WDR27: variants seen among roughly 807,000 people sequenced by gnomAD.
WDR27 encodes WD repeat domain 27.
Under a neutral mutation model 114.4 loss-of-function variants are expected in WDR27, and 100 were observed. The observed-to-expected ratio is 0.87, with a 90% confidence interval of 0.74 to 1.03. WDR27 has a LOEUF of 1.03. Among genes scored for constraint, WDR27 ranks in the 50% least tolerant of loss-of-function variants. WDR27 has a pLI of 0.00. For missense variants in WDR27, 1,129 were observed against 1,092.9 expected, an observed-to-expected ratio of 1.03 and a Z score of -0.47; for synonymous variants, 449 against 423.1, an observed-to-expected ratio of 1.06 and a Z score of -0.75.
At chr6:169,482,147 C>A (rs1367756571) in intron 25 of WDR27, among the ~76,000 whole-genome samples, 1 of 152,212 alleles carries the variant, frequency 6.6e-6, no homozygotes, top group Non-Finnish European at 1.5e-5. Flanking sequence ...TTTATGGTTA[C>A]ATAGTATTCT....
intron 25 of WDR27, among the ~76,000 whole-genome samples, chr6:169,469,848 T>C (rs1269121187): frequency 1.3e-5 from 2 of 152,230 alleles, no homozygotes; most frequent in Non-Finnish European, 2.9e-5. Flanking sequence ...AGATAGCTGA[T>C]TAAGTCCATG....
intron 22 of WDR27, among the ~76,000 whole-genome samples, chr6:169,612,228 G>A (rs563496723): frequency 1.3e-5 from 2 of 151,606 alleles, no homozygotes; most frequent in African/African-American, 4.8e-5. Flanking sequence ...TCAGGAGATC[G>A]AGACCACGGT....
At chr6:169,528,887 C>T (rs1176977247) in intron 25 of WDR27, among the ~76,000 whole-genome samples, 1 of 152,116 alleles carries the variant, frequency 6.6e-6, no homozygotes, top group Non-Finnish European at 1.5e-5. Context: ...TTAGAAGATA[C>T]ACATGTTGGC....
chr6:169,578,006 C>G (rs1802720104), intron 24 of WDR27, among the ~76,000 whole-genome samples: 1 of 152,192 alleles, frequency 6.6e-6, no homozygotes, highest in Admixed American at 6.5e-5. Context: ...ATCCGTCTCT[C>G]TCTCTCCCCA....
chr6:169,548,665 AG>A (rs1346947238), intron 25 of WDR27, among the ~76,000 whole-genome samples: 1 of 152,234 alleles, frequency 6.6e-6, no homozygotes, highest in East Asian at 1.9e-4. Flanking sequence ...ATGAATCTAT[AG>A]TAATCAAGAC....
intron 25 of WDR27, among the ~76,000 whole-genome samples, chr6:169,489,235 C>T (rs1789392965): frequency 6.6e-6 from 1 of 152,176 alleles, no homozygotes; most frequent in Non-Finnish European, 1.5e-5. Flanking sequence ...GATGCCTCAA[C>T]GTGCACACAG....
chr6:169,672,047 CG>C (rs1262771157), intron 3 of WDR27: 1 of 468,048 alleles, frequency 2.1e-6, no homozygotes, highest in South Asian at 4.6e-5. Flanking sequence ...AGCAAAGGTC[CG>C]TAAGTCTGAA....
At chr6:169,694,322 A>G (rs1388466855) in intron 1 of WDR27, among the ~76,000 whole-genome samples, 2 of 152,230 alleles carry the variant, frequency 1.3e-5, no homozygotes, top group African/African-American at 4.8e-5. Context: ...AAAAAAATAA[A>G]TAAATAAATA....
At chr6:169,459,571 A>C (rs908485499) in intron 25 of WDR27, among the ~76,000 whole-genome samples, 2 of 151,734 alleles carry the variant, frequency 1.3e-5, no homozygotes, top group Non-Finnish European at 2.9e-5. Flanking sequence ...AAATGTATAC[A>C]TATAAATGTA....
chr6:169,511,287 G>A (rs1444696874), intron 25 of WDR27, among the ~76,000 whole-genome samples: 1 of 152,152 alleles, frequency 6.6e-6, no homozygotes, highest in Non-Finnish European at 1.5e-5. Context: ...TTCTCTGAAT[G>A]TTTATCAAAC....
Position 169,457,607 on chromosome 6 carries a change from G to A in WDR27, c.2673C>T (p.Asn891=). Residue 891 remains asparagine, a synonymous_variant, in exon 26 of 26, where the codon AAC becomes AAT. Transcript: ENST00000448612. ...GGTTACTCAGCTAGAAAGAGCTGGA[G>A]TTTACCATCCAAGGTAGCTGTGGCA... ...YSLPQLPWMV[N]SSSF is the part of the protein sequence containing the mutation. 2 of 1,552,600 alleles carry A rather than the reference G, an allele frequency of 1.3e-6. No individual in the cohort carries two copies. Among genetic ancestry groups the A allele is most frequent in the Non-Finnish European group, 1.7e-6 (2 of 1,147,282 alleles).
intron 2 of WDR27, among the ~76,000 whole-genome samples, chr6:169,675,934 G>A (rs1294976536): frequency 1.3e-5 from 2 of 152,192 alleles, no homozygotes; most frequent in Admixed American, 1.3e-4. Context: ...TTTTCCACAA[G>A]AGACTTTGCA....
intron 2 of WDR27, among the ~76,000 whole-genome samples, chr6:169,677,826 G>T (rs1046882680): frequency 2.6e-5 from 4 of 152,258 alleles, no homozygotes; most frequent in Middle Eastern, 3.2e-3. Context: ...GAGGACCCCA[G>T]ATACAGCTTG....
rs373524710 is a variant in WDR27, at chr6:169,659,548, T to C, written c.1130-30A>G. Reference sequence around the variant, plus strand: ...AGTTGAGCGAAGACCAGGAAGAACATGATGGGGAGGGAGGTAGCACATACA... The same window carrying C: ...AGTTGAGCGAAGACCAGGAAGAACACGATGGGGAGGGAGGTAGCACATACA... On this transcript the variant is annotated intron_variant, in intron 10 of 25. Transcript: ENST00000448612. The surrounding 1 kb of genome is among the most constrained non-coding windows in gnomAD (Gnocchi z 4.3). 58 of 1,592,992 alleles carry C rather than the reference T, an allele frequency of 3.6e-5. No individual in the cohort carries two copies. In the African/African-American group the frequency reaches 7.1e-4, roughly 20 times the overall value.
At chr6:169,636,350 C>T in intron 19 of WDR27, 21 bp downstream of exon 19, 1 of 1,606,792 alleles carries the variant, frequency 6.2e-7, no homozygotes, top group East Asian at 2.2e-5. Flanking sequence ...AAAAATAATG[C>T]ACAGGGCGGG....
intron 21 of WDR27, among the ~76,000 whole-genome samples, chr6:169,625,186 C>G (rs193283203): frequency 6.6e-6 from 1 of 152,230 alleles, no homozygotes; most frequent in Non-Finnish European, 1.5e-5. Context: ...GCAGATCCAA[C>G]GGTTGTAACT....
At chr6:169,693,418 T>C (rs985625045) in intron 1 of WDR27, among the ~76,000 whole-genome samples, 3 of 151,840 alleles carry the variant, frequency 2.0e-5, no homozygotes, top group Non-Finnish European at 4.4e-5. Flanking sequence ...CCTTAAACAA[T>C]AACACAATGA....
chr6:169,636,224 G>C, intron 19 of WDR27, 147 bp downstream of exon 19: 1 of 962,414 alleles, frequency 1.0e-6, no homozygotes, highest in Non-Finnish European at 1.5e-6. Context: ...GTAGGATCTG[G>C]ATAATTCCCT....
chr6:169,656,701 C>A (rs1056129955), intron 13 of WDR27, among the ~76,000 whole-genome samples: 13 of 152,022 alleles, frequency 8.6e-5, no homozygotes, highest in Non-Finnish European at 1.6e-4. Context: ...CAGCTCCCAG[C>A]TCCGACAGCT....
Sources: allele counts gnomAD v4.1 joint callset (sites outside exome capture counted in the v4.1 genomes callset), GRCh38; gene constraint gnomAD v4.1.1; non-coding constraint Gnocchi (gnomAD v3.1); transcripts MANE v1.5; gene names NCBI Gene and HGNC (gene_info 2026-07-23, HGNC 2026-07-21).